IQCM: variants seen among roughly 807,000 people sequenced by gnomAD.
The protein encoded by IQCM is IQ motif containing M, also known as IQ domain-containing protein M.
IQCM carries 45 observed loss-of-function variants against 57.6 expected under a neutral mutation model. The ratio of observed to expected loss-of-function variants is 0.78; its 90% confidence interval spans 0.62 to 1.00. IQCM has a LOEUF of 1.00. Ranked by LOEUF, IQCM falls within the 50% of genes least tolerant of loss-of-function variation. The pLI, the probability that IQCM is intolerant of heterozygous loss-of-function variation, is 0.00. For missense variants in IQCM, 468 were observed against 511.6 expected (o/e 0.91, Z 0.82); for synonymous variants, 148 against 158.9 (o/e 0.93, Z 0.51).
chr4:149,699,695 CAAAA>C (rs34250922), intron 5 of IQCM, among the ~76,000 whole-genome samples: 4 of 25,938 alleles, frequency 1.5e-4, no homozygotes, highest in East Asian at 1.2e-3. Flanking sequence ...GTTTGAGTGG[CAAAA>C]AAAAAAAAAA....
intron 11 of IQCM, among the ~76,000 whole-genome samples, chr4:149,549,251 C>G (rs1170123846): frequency 6.6e-6 from 1 of 152,128 alleles, no homozygotes; most frequent in African/African-American, 2.4e-5. Flanking sequence ...CGCGGTGGCT[C>G]ACGCCTGTAA....
chr4:149,749,362 G>A (rs1768219658), intron 2 of IQCM, among the ~76,000 whole-genome samples: 1 of 152,142 alleles, frequency 6.6e-6, no homozygotes, highest in African/African-American at 2.4e-5. Context: ...TTTCACATCA[G>A]TGAAAATAAA....
intron 8 of IQCM, among the ~76,000 whole-genome samples, chr4:149,612,801 T>G (rs1755421750): frequency 6.6e-6 from 1 of 152,016 alleles, no homozygotes; most frequent in African/African-American, 2.4e-5. Flanking sequence ...CATTTCAAAA[T>G]TAAAATTGGG....
At chr4:149,517,171 G>A (rs1175450561) in intron 12 of IQCM, among the ~76,000 whole-genome samples, 1 of 149,180 alleles carries the variant, frequency 6.7e-6, no homozygotes, top group African/African-American at 2.5e-5. Flanking sequence ...AAAGGTAAAG[G>A]GAATACAGAA....
intron 11 of IQCM, among the ~76,000 whole-genome samples, chr4:149,551,756 G>A (rs1353272217): frequency 6.6e-6 from 1 of 151,982 alleles, no homozygotes; most frequent in Non-Finnish European, 1.5e-5. Context: ...TTTTCTACTA[G>A]TGGTATGGAG....
chr4:149,670,197 CTTGTAAG>C (rs1043176337), intron 7 of IQCM, among the ~76,000 whole-genome samples: 11 of 152,110 alleles, frequency 7.2e-5, no homozygotes, highest in African/African-American at 2.7e-4. Context: ...CTTCACATCC[CTTGTAAG>C]TTGGATTCCT....
chr4:149,593,604 A>T (rs1466395927), intron 8 of IQCM, among the ~76,000 whole-genome samples: 6 of 152,056 alleles, frequency 3.9e-5, no homozygotes, highest in African/African-American at 1.4e-4. Flanking sequence ...TGTCATACAT[A>T]GCTCTTATTA....
chr4:149,450,054 A>T (rs1225093002), intron 12 of IQCM, among the ~76,000 whole-genome samples: 1 of 151,794 alleles, frequency 6.6e-6, no homozygotes. Context: ...AAACAAATCC[A>T]CACATCTATA....
At chr4:149,634,619 T>C (rs531459928) in intron 7 of IQCM, among the ~76,000 whole-genome samples, 44 of 152,198 alleles carry the variant, frequency 2.9e-4, no homozygotes, top group Non-Finnish European at 5.6e-4. Flanking sequence ...ATTTTCACTT[T>C]CATTCTGCAA....
chr4:149,468,466 G>T (rs1739119765), intron 12 of IQCM, among the ~76,000 whole-genome samples: 1 of 152,200 alleles, frequency 6.6e-6, no homozygotes, highest in Non-Finnish European at 1.5e-5. Flanking sequence ...ATAGGTAAAA[G>T]GAAGCAGCCA....
chr4:149,566,666 T>C (rs192145503), intron 9 of IQCM, among the ~76,000 whole-genome samples: 1 of 152,158 alleles, frequency 6.6e-6, no homozygotes, highest in Non-Finnish European at 1.5e-5. Context: ...AATACAAGCA[T>C]GTTTACAAAA....
chr4:149,522,054 G>T (rs1284228533), intron 12 of IQCM, among the ~76,000 whole-genome samples: 2 of 152,182 alleles, frequency 1.3e-5, no homozygotes, highest in African/African-American at 4.8e-5. Flanking sequence ...GCATATGCTA[G>T]TCTCCCTCTC....
intron 13 of IQCM, among the ~76,000 whole-genome samples, chr4:149,416,894 T>G (rs1217870902): frequency 6.6e-6 from 1 of 152,132 alleles, no homozygotes; most frequent in East Asian, 1.9e-4. Flanking sequence ...TTTTCAGCAC[T>G]GGAAAATGCT....
chr4:149,806,247 A>ATTAT (rs1388457957), intron 2 of IQCM, among the ~76,000 whole-genome samples: 1 of 151,836 alleles, frequency 6.6e-6, no homozygotes, highest in African/African-American at 2.4e-5. Context: ...TTTCCAGGAT[A>ATTAT]TTATTTATTT....
At chr4:149,797,094 G>T (rs1326223833) in intron 2 of IQCM, among the ~76,000 whole-genome samples, 1 of 152,142 alleles carries the variant, frequency 6.6e-6, no homozygotes, top group African/African-American at 2.4e-5. Context: ...CAATCCTGGA[G>T]AAACACAGAT....
At chr4:149,674,021 G>C (rs1229165788) in intron 7 of IQCM, among the ~76,000 whole-genome samples, 1 of 151,940 alleles carries the variant, frequency 6.6e-6, no homozygotes, top group African/African-American at 2.4e-5. Context: ...AGTTTGGTCA[G>C]GTTTTAAAAA....
intron 12 of IQCM, among the ~76,000 whole-genome samples, chr4:149,481,719 T>TTTG (rs1740900235): frequency 7.0e-6 from 1 of 142,900 alleles, no homozygotes; most frequent in African/African-American, 2.6e-5. Context: ...TTTTTTTTTT[T>TTTG]TTTGCTTTTT....
At position 149,524,943 on chromosome 4, in the gene IQCM, G is replaced by A. The variant is rs180849466; in HGVS notation, c.1228+23512C>T. Among the ~76,000 whole-genome samples the A allele has an allele frequency of 2.1e-3, 311 of 151,578 alleles. 1 individual carries two copies. The highest frequency in any genetic ancestry group is 6.9e-3 in the Middle Eastern group (2 of 290). On this transcript the variant is annotated intron_variant, in intron 12 of 13. Coordinates refer to ENST00000636793, the MANE Select transcript of IQCM (RefSeq NM_001363507.2). ...TATAAACCAATAGTGGTACCATAAA[G>A]TACCACTATTAATCAAAAAAATTGG...
At chr4:149,496,613 G>T (rs1036037896) in intron 12 of IQCM, among the ~76,000 whole-genome samples, 2 of 152,080 alleles carry the variant, frequency 1.3e-5, no homozygotes, top group Admixed American at 6.6e-5. Flanking sequence ...GATGAGGCAA[G>T]GAAATAGATT....
Sources: allele counts gnomAD v4.1 joint callset (sites outside exome capture counted in the v4.1 genomes callset), GRCh38; gene constraint gnomAD v4.1.1; transcripts MANE v1.5; gene names NCBI Gene and HGNC (gene_info 2026-07-23, HGNC 2026-07-21).